Variants in CDH13 observed in about 807,000 individuals in gnomAD.
The protein encoded by CDH13 is cadherin 13, also known as cadherin-13.
Under a neutral mutation model 63.8 loss-of-function variants are expected in CDH13, and 24 were observed. The ratio of observed to expected loss-of-function variants is 0.38; its 90% CI spans 0.27 to 0.53. CDH13 has a LOEUF of 0.53. Ranked by LOEUF, CDH13 falls within the 20% of genes least tolerant of loss-of-function variation. The pLI is 0.85. For synonymous variants in CDH13, 503 were observed against 355.3 expected, an observed-to-expected ratio of 1.42 and a Z score of -4.67; for missense variants, 1,049 against 903.1, an observed-to-expected ratio of 1.16 and a Z score of -2.07.
chr16:83,259,195 C>G (rs1173799167), intron 5 of CDH13, among the ~76,000 whole-genome samples: 1 of 152,092 alleles, frequency 6.6e-6, no homozygotes, highest in Non-Finnish European at 1.5e-5. Context: ...TTGATATAAA[C>G]CTTATGGATG....
At chr16:82,725,082 G>C (rs2151027151) in intron 1 of CDH13, among the ~76,000 whole-genome samples, 1 of 152,240 alleles carries the variant, frequency 6.6e-6, no homozygotes, top group East Asian at 1.9e-4. Flanking sequence ...TCATGGTGAT[G>C]GTGATGATGG....
chr16:83,211,485 T>C (rs1410127665), intron 4 of CDH13, among the ~76,000 whole-genome samples: 3 of 152,214 alleles, frequency 2.0e-5, no homozygotes, highest in East Asian at 1.9e-4. Flanking sequence ...AAAGCTGCTA[T>C]ATAGTCTATG....
In CDH13 at chr16:82,888,792, A is replaced by G. The variant is rs1405055356; in HGVS notation, c.157+30319A>G. ...AGCCCCGTGAAATGTAAACTTCGCA[A>G]GTAAATGGACCATTGCCATTTGCCT... On this transcript the variant is annotated intron_variant, in intron 2 of 13. Coordinates refer to ENST00000567109, the MANE Select transcript of CDH13 (RefSeq NM_001257.5). Among the ~76,000 whole-genome samples the G allele has an allele frequency of 2.6e-5, 4 of 152,208 alleles. No homozygotes were observed. In the East Asian group the frequency reaches 7.7e-4, roughly 29 times the overall value.
At chr16:83,388,913 A>T (rs1766134048) in intron 6 of CDH13, among the ~76,000 whole-genome samples, 2 of 152,192 alleles carry the variant, frequency 1.3e-5, no homozygotes. Flanking sequence ...TGTGCTCATA[A>T]GGTGGGAGAA....
chr16:83,281,636 T>A (rs2089178452), intron 5 of CDH13, among the ~76,000 whole-genome samples: 1 of 151,880 alleles, frequency 6.6e-6, no homozygotes, highest in Non-Finnish European at 1.5e-5. Flanking sequence ...CTAGGCTGAG[T>A]GGTGGCTGAC....
At chr16:83,742,298 G>A (rs758739600) in intron 10 of CDH13, among the ~76,000 whole-genome samples, 1 of 152,134 alleles carries the variant, frequency 6.6e-6, no homozygotes, top group Non-Finnish European at 1.5e-5. Context: ...CCTGCGACTC[G>A]AATTCTGTTA....
At chr16:83,412,231 G>C (rs2092138963) in intron 6 of CDH13, among the ~76,000 whole-genome samples, 1 of 152,238 alleles carries the variant, frequency 6.6e-6, no homozygotes, top group Non-Finnish European at 1.5e-5. Flanking sequence ...GGAGGCCAAG[G>C]CTGATGGATC....
chr16:83,370,568 G>T (rs1487347564), intron 6 of CDH13, among the ~76,000 whole-genome samples: 2 of 152,076 alleles, frequency 1.3e-5, no homozygotes, highest in African/African-American at 4.8e-5. Context: ...CATCACCCAG[G>T]TAATAAGCAT....
In CDH13 at chr16:82,721,353, GGGC is replaced by G. The variant is rs375529277; in HGVS notation, c.45+94217_45+94219del. Among the ~76,000 whole-genome samples the G allele has an allele frequency of 3.2e-4, 49 of 152,228 alleles. No individual in the cohort carries two copies. The South Asian group carries it at 8.9e-3, about 28-fold the overall frequency. On this transcript the variant is annotated intron_variant, in intron 1 of 13. Transcript: ENST00000567109. ...ATGAAGGAACATCAATTCTGCCTTG[GGGC>G]CCAAAGAAACCAGTTGGGAAAGTTA...
intron 7 of CDH13, among the ~76,000 whole-genome samples, chr16:83,559,874 A>G (rs889540034): frequency 2.6e-5 from 4 of 152,174 alleles, no homozygotes; most frequent in African/African-American, 7.2e-5. Flanking sequence ...TTAAGAAAGA[A>G]TTAGTTTCCT....
At chr16:83,083,756 A>G (rs7187677) in intron 3 of CDH13, among the ~76,000 whole-genome samples, 28,456 of 152,126 alleles carry the variant, frequency 0.19, 3,033 homozygotes, top group East Asian at 0.28. Flanking sequence ...GAACTTTCTT[A>G]CTCTTAGCAG....
chr16:83,036,649 T>C (rs10220997), intron 3 of CDH13, among the ~76,000 whole-genome samples: 30,851 of 152,062 alleles, frequency 0.2, 3,311 homozygotes, highest in East Asian at 0.27. Flanking sequence ...AACACTCCTG[T>C]GGCTGCCTGT....
At chr16:83,436,909 A>C (rs1385591154) in intron 6 of CDH13, among the ~76,000 whole-genome samples, 1 of 152,208 alleles carries the variant, frequency 6.6e-6, no homozygotes, top group African/African-American at 2.4e-5. Flanking sequence ...TTACCTGTAA[A>C]ACTCCATCAG....
At chr16:83,144,841 C>A (rs1197410677) in intron 4 of CDH13, among the ~76,000 whole-genome samples, 2 of 152,190 alleles carry the variant, frequency 1.3e-5, no homozygotes, top group East Asian at 3.9e-4. Flanking sequence ...CAAAAGCGTT[C>A]ATGGAAATGG....
chr16:83,509,426 G>A (rs1414659661), intron 7 of CDH13, among the ~76,000 whole-genome samples: 1 of 152,210 alleles, frequency 6.6e-6, no homozygotes, highest in African/African-American at 2.4e-5. Context: ...TATGGTGGCT[G>A]CTGCAACTGT....
intron 2 of CDH13, among the ~76,000 whole-genome samples, chr16:82,914,341 C>T (rs1277937811): frequency 6.6e-6 from 1 of 152,124 alleles, no homozygotes; most frequent in Non-Finnish European, 1.5e-5. Flanking sequence ...AAGATGCCTT[C>T]AAGGAGACAC....
intron 7 of CDH13, among the ~76,000 whole-genome samples, chr16:83,490,413 A>T (rs1026649892): frequency 2.0e-5 from 3 of 152,104 alleles, no homozygotes; most frequent in African/African-American, 4.8e-5. Context: ...TGTAGAAATG[A>T]TCCTTACTAT....
At chr16:83,134,667 T>C (rs763303433) in intron 4 of CDH13, among the ~76,000 whole-genome samples, 2 of 150,602 alleles carry the variant, frequency 1.3e-5, no homozygotes, top group Non-Finnish European at 2.9e-5. Context: ...ATGAAAACAC[T>C]CATAACTTTT....
At chr16:83,092,673 C>T (rs2033975971) in intron 3 of CDH13, among the ~76,000 whole-genome samples, 1 of 152,066 alleles carries the variant, frequency 6.6e-6, no homozygotes, top group African/African-American at 2.4e-5. Flanking sequence ...CTGTACAATT[C>T]TGTTTTCTCT....
Sources: allele counts gnomAD v4.1 joint callset (sites outside exome capture counted in the v4.1 genomes callset), GRCh38; gene constraint gnomAD v4.1.1; transcripts MANE v1.5; gene names NCBI Gene and HGNC (gene_info 2026-07-23, HGNC 2026-07-21).